Variants in COL7A1 observed in about 807,000 individuals in gnomAD.
COL7A1 encodes collagen alpha-1(VII) chain.
A neutral mutation model predicts 456.2 loss-of-function variants in COL7A1; 296 were observed. The ratio of observed to expected loss-of-function variants is 0.65; its 90% CI spans 0.59 to 0.71. COL7A1 has a LOEUF of 0.71. Ranked by LOEUF, COL7A1 falls within the 30% of genes least tolerant of loss-of-function variation. The probability of loss-of-function intolerance (pLI) is 0.00; values close to 1 mark genes in which losing one functional copy is unlikely to be tolerated. For synonymous variants in COL7A1, 1,464 were observed against 1,525.9 expected, an observed-to-expected ratio of 0.96 and a Z score of 0.95; for missense variants, 3,441 against 4,017.2, an observed-to-expected ratio of 0.86 and a Z score of 3.88.
Position 48,567,070 on chromosome 3 carries a change from G to C in COL7A1, c.8110-47C>G, listed in dbSNP as rs747726023. ...TCAGTAATCAGAGGCCCCAGAGATG[G>C]ACCCTCTCCCAAAGTGCACGCTCCC... On this transcript the variant is annotated intron_variant, in intron 110 of 118. Transcript: ENST00000681320. The surrounding 1 kb of genome is among the most constrained non-coding windows in gnomAD (Gnocchi z 4.3). 2.5e-6 allele frequency: 4 copies of C among 1,612,884 alleles called. No homozygotes were observed. The highest frequency in any genetic ancestry group is 3.3e-5 in the Admixed American group (2 of 59,962).
chr3:48,568,337 T>C lies in COL7A1; in HGVS notation c.7794+162A>G. On this transcript the variant is annotated intron_variant, in intron 105 of 118. Transcript: ENST00000681320. This position sits in a 1 kb window ranked among gnomAD's most constrained non-coding sequence, Gnocchi z 5.2. ...GGGTCACCATAGGCAGGGGACACCA[T>C]CATAGGCGGCTACTGTGGAGGTGGG... 9.6e-7 allele frequency: 1 copy of C among 1,045,712 alleles called. No individual in the cohort carries two copies. The highest frequency in any genetic ancestry group is 1.4e-6 in the Non-Finnish European group (1 of 690,744). The allele number at this position is 1,045,712 out of a possible 1,614,324, so 64.8% of individuals were successfully genotyped here.
rs936867123 is a variant in COL7A1 at position 48,565,794 on chromosome 3, G to A, written c.8408-126C>T. 1 of 884,072 alleles carries A rather than the reference G, an allele frequency of 1.1e-6. No individual in the cohort carries two copies. Among genetic ancestry groups the A allele is most frequent in the Admixed American group, 2.1e-5 (1 of 47,620 alleles). 54.8% of individuals were successfully genotyped at this position (884,072 alleles called of 1,614,324 possible). A position where few individuals can be genotyped will look rare whatever the true frequency, so the allele number is the denominator to read the frequency against. On this transcript the variant is annotated intron_variant, in intron 114 of 118. Transcript: ENST00000681320. The surrounding 1 kb of genome is among the most constrained non-coding windows in gnomAD (Gnocchi z 4.5). ...AAGAGATAGCAGGAGAGGGTAACAG[G>A]AGAGAGAGGAAGAGAGAGGGTGGGA... is the stretch of plus-strand genomic sequence containing the variant.
Position 48,570,410 on chromosome 3 carries a change from G to C in COL7A1, c.7380+55C>G. The C allele has an allele frequency of 6.2e-7, 1 of 1,613,996 alleles. No homozygotes were observed. Among genetic ancestry groups the C allele is most frequent in the Non-Finnish European group, 8.5e-7 (1 of 1,179,888 alleles). On this transcript the variant is annotated intron_variant, in intron 97 of 118. Coordinates refer to ENST00000681320, the MANE Select transcript of COL7A1 (RefSeq NM_000094.4). The surrounding 1 kb of genome is among the most constrained non-coding windows in gnomAD (Gnocchi z 5.5). Reference sequence around the variant, plus strand: ...GCAGGGTCATGGGAGGTCAGTGGAGGCTGAAGGGGGTGACCAGGGCACAAG... The same window carrying C: ...GCAGGGTCATGGGAGGTCAGTGGAGCCTGAAGGGGGTGACCAGGGCACAAG...
chr3:48,574,780 T>C lies in COL7A1; in HGVS notation c.6348+17A>G. On this transcript the variant is annotated intron_variant, in intron 77 of 118. Transcript: ENST00000681320. This position sits in a 1 kb window ranked among gnomAD's most constrained non-coding sequence, Gnocchi z 5.0. ...GCCATGGCAGAGGGTGGCCCCGAGC[T>C]GATTCCACACACTGACCTTAGCACC... The C allele has an allele frequency of 6.2e-7, 1 of 1,614,014 alleles. No individual in the cohort carries two copies. Among genetic ancestry groups the C allele is most frequent in the Non-Finnish European group, 8.5e-7 (1 of 1,180,022 alleles).
chr3:48,572,148 C>A lies in COL7A1; in HGVS notation c.7002G>T (p.Leu2334=). 1 of 1,614,062 alleles carries A rather than the reference C, an allele frequency of 6.2e-7. No homozygotes were observed. Reference sequence around the variant, plus strand: ...TCACCTTCTCGCCTCGCGGCCCTGGCAGTCCTCGGTCACCTTTGGCTCCCT... The same window carrying A: ...TCACCTTCTCGCCTCGCGGCCCTGGAAGTCCTCGGTCACCTTTGGCTCCCT... ...GEPGAKGDRG[L]PGPRGEKGEA... Residue 2334 remains leucine (L), a synonymous_variant, in exon 91 of 119, where the codon CTG becomes CTT. Coordinates refer to ENST00000681320, the MANE Select transcript of COL7A1 (RefSeq NM_000094.4). This position sits in a 1 kb window ranked among gnomAD's most constrained non-coding sequence, Gnocchi z 4.6.
At position 48,576,244 on chromosome 3, in the gene COL7A1, C is replaced by T; in HGVS notation, c.5820+5G>A. The stretch of plus-strand genomic sequence containing the variant: ...AGTCAAGGGGACATCCCAAGCCTGG[C>T]TCACCGGCACACTTCCAGGCTCTCC... On this transcript the variant is annotated splice_donor_5th_base_variant and intron_variant, in intron 71 of 118. Transcript: ENST00000681320. 11 of 1,613,694 alleles carry T rather than the reference C, an allele frequency of 6.8e-6. No individual in the cohort carries two copies. The highest frequency in any genetic ancestry group is 9.3e-6 in the Non-Finnish European group (11 of 1,180,008).
In COL7A1 at chr3:48,588,647, G is replaced by T; in HGVS notation, c.2582C>A (p.Thr861Asn). 1 of 1,613,864 alleles carries T rather than the reference G, an allele frequency of 6.2e-7. No individual in the cohort carries two copies. Among genetic ancestry groups the T allele is most frequent in the Non-Finnish European group, 8.5e-7 (1 of 1,180,046 alleles). The change falls in exon 20 of 119, where the codon ACT (threonine) becomes AAT (asparagine). Residue 861 changes from threonine to asparagine, a missense_variant. By Grantham distance (65) the Thr-to-Asn change is moderately conservative. Coordinates refer to ENST00000681320, the MANE Select transcript of COL7A1 (RefSeq NM_000094.4). The surrounding 1 kb of genome is among the most constrained non-coding windows in gnomAD (Gnocchi z 4.6). ...CCAGCGCATGCTCTGCCTACGCGTAGTGACAACAATGGAGACAGGTGTGCC... is the reference window on the plus strand; with the variant it reads ...CCAGCGCATGCTCTGCCTACGCGTATTGACAACAATGGAGACAGGTGTGCC... Reference protein sequence around the residue: ...REGTPVSIVVTTPPEAPPALG... With the variant: ...REGTPVSIVVNTPPEAPPALG...
rs538877688 is a variant in COL7A1 at position 48,574,437 on chromosome 3, C to T, written c.6456+51G>A. ...CCCCAGCCCTGCACACAGGACAATA[C>T]ATGTGAGAGCCACCTTCTTGCACAT... On this transcript the variant is annotated intron_variant, in intron 79 of 118. Coordinates refer to ENST00000681320, the MANE Select transcript of COL7A1 (RefSeq NM_000094.4). The surrounding 1 kb of genome is among the most constrained non-coding windows in gnomAD (Gnocchi z 5.0). The T allele has an allele frequency of 8.7e-6, 14 of 1,613,804 alleles. No homozygotes were observed. The highest frequency in any genetic ancestry group is 4.0e-5 in the African/African-American group (3 of 75,054).
rs578219210 is a variant in COL7A1, at chr3:48,570,809, C to G, written c.7272+52G>C. The G allele has an allele frequency of 1.3e-6, 2 of 1,570,936 alleles. No homozygotes were observed. Among genetic ancestry groups the G allele is most frequent in the African/African-American group, 2.7e-5 (2 of 74,188 alleles). Reference sequence around the variant, plus strand: ...GGAACCCCCAAGGCAGGGCCCCCTCCTCACCCACCATGGATTCACCATGCC... The same window carrying G: ...GGAACCCCCAAGGCAGGGCCCCCTCGTCACCCACCATGGATTCACCATGCC... On this transcript the variant is annotated intron_variant, in intron 95 of 118. Transcript: ENST00000681320. This position sits in a 1 kb window ranked among gnomAD's most constrained non-coding sequence, Gnocchi z 5.5.
Position 48,591,770 on chromosome 3 carries a change from C to T in COL7A1, c.1410G>A (p.Gln470=), listed in dbSNP as rs746820187. 4 of 1,614,092 alleles carry T rather than the reference C, an allele frequency of 2.5e-6. No individual in the cohort carries two copies. The highest frequency in any genetic ancestry group is 1.1e-5 in the South Asian group (1 of 91,092). ...VVLPSDVTRY[Q]LDGLQPGTEY... is the part of the protein sequence containing the mutation. ...CAGTGCCCGGCTGCAGCCCATCCAACTGGTAGCGGGTCACATCAGAGGGCA... is the reference window on the plus strand; with the variant it reads ...CAGTGCCCGGCTGCAGCCCATCCAATTGGTAGCGGGTCACATCAGAGGGCA... Residue 470 remains glutamine, a synonymous_variant, in exon 12 of 119, where the codon CAG becomes CAA. Coordinates refer to ENST00000681320, the MANE Select transcript of COL7A1 (RefSeq NM_000094.4). The surrounding 1 kb of genome is among the most constrained non-coding windows in gnomAD (Gnocchi z 7.0).
In COL7A1 at chr3:48,570,310, C is replaced by T; in HGVS notation, c.7405G>A (p.Gly2469Arg). ...DKGDPGVGLP[G>R]PRGERGEPGI... Reference sequence around the variant, plus strand: ...GGCTCCCCACGCTCGCCTCGGGGCCCAGGCAGCCCTACTCCAGGGTCTCCC... The same window carrying T: ...GGCTCCCCACGCTCGCCTCGGGGCCTAGGCAGCCCTACTCCAGGGTCTCCC... Residue 2469 changes from glycine to arginine, a missense_variant, in exon 98 of 119, where the codon GGG becomes AGG. Physicochemically the swap from Gly to Arg is moderately radical, Grantham distance 125 (BLOSUM62 -2). Coordinates refer to ENST00000681320, the MANE Select transcript of COL7A1 (RefSeq NM_000094.4). This position sits in a 1 kb window ranked among gnomAD's most constrained non-coding sequence, Gnocchi z 5.5. The T allele has an allele frequency of 6.2e-7, 1 of 1,614,122 alleles. No homozygotes were observed. The highest frequency in any genetic ancestry group is 8.5e-7 in the Non-Finnish European group (1 of 1,179,978).
In COL7A1 at chr3:48,593,008, G is replaced by C. The variant is rs568589365; in HGVS notation, c.683-70C>G. The stretch of plus-strand genomic sequence containing the variant: ...GCATGTATGATGCAGAGTTGGGGTC[G>C]GGGTCAGGAGCACATAGGATGGAAT... On this transcript the variant is annotated intron_variant, in intron 6 of 118. Coordinates refer to ENST00000681320, the MANE Select transcript of COL7A1 (RefSeq NM_000094.4). This position sits in a 1 kb window ranked among gnomAD's most constrained non-coding sequence, Gnocchi z 4.4. 9.3e-6 allele frequency: 15 copies of C among 1,612,094 alleles called. No homozygotes were observed. The highest frequency in any genetic ancestry group is 1.2e-5 in the Non-Finnish European group (14 of 1,179,202).
In COL7A1 at chr3:48,571,382, C is replaced by T. The variant is rs773262069; in HGVS notation, c.7069-104G>A. ...AGGGGAGTTCTGATGTGACCATGAACACATGGGAACTCAGACATGCGACCA... is the reference window on the plus strand; with the variant it reads ...AGGGGAGTTCTGATGTGACCATGAATACATGGGAACTCAGACATGCGACCA... On this transcript the variant is annotated intron_variant, in intron 92 of 118. Transcript: ENST00000681320. The surrounding 1 kb of genome is among the most constrained non-coding windows in gnomAD (Gnocchi z 4.6). 5.8e-5 allele frequency: 82 copies of T among 1,409,770 alleles called. No individual in the cohort carries two copies. The highest frequency in any genetic ancestry group is 7.1e-5 in the Non-Finnish European group (71 of 1,004,340). The allele number at this position is 1,409,770 out of a possible 1,614,324, so 87.3% of individuals were successfully genotyped here.
In COL7A1 at chr3:48,575,734, C is replaced by T. The variant is rs780714666; in HGVS notation, c.5871G>A (p.Arg1957=). The change falls in exon 73 of 119, where the codon CGG becomes CGA. Residue 1957 remains arginine (R), a synonymous_variant. Coordinates refer to ENST00000681320, the MANE Select transcript of COL7A1 (RefSeq NM_000094.4). This position sits in a 1 kb window ranked among gnomAD's most constrained non-coding sequence, Gnocchi z 6.3. ...ETAGIKASAL[R]EIVETWDESS... ...TCTCATCCCAGGTCTCCACGATCTC[C>T]CGCAGGGCAGATGCCTGAGGGACAG... The T allele has an allele frequency of 1.2e-6, 2 of 1,614,054 alleles. No homozygotes were observed. Among genetic ancestry groups the T allele is most frequent in the Non-Finnish European group, 1.7e-6 (2 of 1,180,040 alleles).
Position 48,573,551 on chromosome 3 carries a change from C to CA in COL7A1, c.6579dup (p.Ala2194CysfsTer96). 6.2e-7 allele frequency: 1 copy of CA among 1,614,076 alleles called. No individual in the cohort carries two copies. Among genetic ancestry groups the CA allele is most frequent in the South Asian group, 1.1e-5 (1 of 91,088 alleles). ...GGTCCTTGGGGTCCTGCAGGGCCAGCAAGACCCTAGAGAAAAGGGTCAAGG... is the reference window on the plus strand; with the variant it reads ...GGTCCTTGGGGTCCTGCAGGGCCAGCAAAGACCCTAGAGAAAAGGGTCAAGG... On this transcript the variant is annotated frameshift_variant, in exon 83 of 119. Transcript: ENST00000681320. LOFTEE classifies it high-confidence loss of function. The surrounding 1 kb of genome is among the most constrained non-coding windows in gnomAD (Gnocchi z 5.5).
Position 48,574,164 on chromosome 3 carries a change from CACACAA to C in COL7A1, c.6501+92_6501+97del. 1 of 1,464,596 alleles carries C rather than the reference CACACAA, an allele frequency of 6.8e-7. No homozygotes were observed. Among genetic ancestry groups the C allele is most frequent in the Non-Finnish European group, 9.5e-7 (1 of 1,050,050 alleles). The allele number at this position is 1,464,596 out of a possible 1,614,324, so 90.7% of individuals were successfully genotyped here. A position where few individuals can be genotyped will look rare whatever the true frequency, so the allele number is the denominator to read the frequency against. On this transcript the variant is annotated intron_variant, in intron 80 of 118. Transcript: ENST00000681320. This position sits in a 1 kb window ranked among gnomAD's most constrained non-coding sequence, Gnocchi z 5.0. Reference sequence around the variant, plus strand: ...ACAGAGAGGCACACAGACACAGGTACACACAAACACACACACACAGACATGCACACA... The same window carrying C: ...ACAGAGAGGCACACAGACACAGGTACACACACACACACAGACATGCACACA...
chr3:48,593,009 G>A lies in COL7A1; in HGVS notation c.683-71C>T, dbSNP rs2045820866. ...CATGTATGATGCAGAGTTGGGGTCG[G>A]GGTCAGGAGCACATAGGATGGAATC... On this transcript the variant is annotated intron_variant, in intron 6 of 118. Coordinates refer to ENST00000681320, the MANE Select transcript of COL7A1 (RefSeq NM_000094.4). The surrounding 1 kb of genome is among the most constrained non-coding windows in gnomAD (Gnocchi z 4.4). 2.5e-6 allele frequency: 4 copies of A among 1,612,710 alleles called. No homozygotes were observed. The highest frequency in any genetic ancestry group is 3.4e-6 in the Non-Finnish European group (4 of 1,179,492).
rs761791778 is a variant in COL7A1 at position 48,566,231 on chromosome 3, G to A, written c.8407+36C>T. On this transcript the variant is annotated intron_variant, in intron 114 of 118. Coordinates refer to ENST00000681320, the MANE Select transcript of COL7A1 (RefSeq NM_000094.4). This position sits in a 1 kb window ranked among gnomAD's most constrained non-coding sequence, Gnocchi z 5.9. ...TGCCTGCCCTTGCCTAGGGTGCTGG[G>A]GTGGAGTGGGAGACTGCGGGCTGGG... 1.1e-5 allele frequency: 17 copies of A among 1,583,894 alleles called. No individual in the cohort carries two copies. Among genetic ancestry groups the A allele is most frequent in the Non-Finnish European group, 1.4e-5 (16 of 1,165,916 alleles).
chr3:48,564,813 G>A lies in COL7A1; in HGVS notation c.8788C>T (p.Pro2930Ser). 3 of 1,614,010 alleles carry A rather than the reference G, an allele frequency of 1.9e-6. No homozygotes were observed. The East Asian group carries it at 6.7e-5, about 36-fold the overall frequency. Reference protein sequence around the residue: ...GTREACERRCPPRVVQSQGTG... With the variant: ...GTREACERRCSPRVVQSQGTG... Reference sequence around the variant, plus strand: ...CCCTGGCTCTGGACCACCCGGGGTGGGCAGCGGCGCTCGCAGGCCTCACGG... The same window carrying A: ...CCCTGGCTCTGGACCACCCGGGGTGAGCAGCGGCGCTCGCAGGCCTCACGG... The change falls in exon 118 of 119, where the codon CCA becomes TCA. Residue 2930 changes from proline (P) to serine (S), a missense_variant. Transcript: ENST00000681320. The surrounding 1 kb of genome is among the most constrained non-coding windows in gnomAD (Gnocchi z 6.0).
Sources: allele counts gnomAD v4.1 joint callset, GRCh38; gene constraint gnomAD v4.1.1; non-coding constraint Gnocchi (gnomAD v3.1); transcripts MANE v1.5; gene names NCBI Gene and HGNC (gene_info 2026-07-23, HGNC 2026-07-21).